AAK1: variants seen among roughly 807,000 people sequenced by gnomAD.
AAK1 encodes the protein AP2-associated protein kinase 1.
Under a neutral mutation model 116.0 loss-of-function variants are expected in AAK1, and 37 were observed. The observed-to-expected ratio is 0.32, with a 90% CI of 0.25 to 0.42. The LOEUF (loss-of-function observed/expected upper bound fraction) is 0.42. Ranked by LOEUF, AAK1 falls within the 10% of genes least tolerant of loss-of-function variation. The pLI is 1.00. For missense variants in AAK1, 919 were observed against 1,170.6 expected (o/e 0.79, Z 3.14); for synonymous variants, 458 against 439.9 (o/e 1.04, Z -0.51).
intron 2 of AAK1, among the ~76,000 whole-genome samples, chr2:69,625,481 A>G (rs1674854695): frequency 6.6e-6 from 1 of 152,240 alleles, no homozygotes; most frequent in Non-Finnish European, 1.5e-5. Flanking sequence ...ATATATAAAA[A>G]TTAACGAACC....
At chr2:69,512,350 A>G (rs1279411869) in intron 13 of AAK1, among the ~76,000 whole-genome samples, 2 of 152,186 alleles carry the variant, frequency 1.3e-5, no homozygotes, top group Non-Finnish European at 2.9e-5. Flanking sequence ...TTTCAAGTGT[A>G]TAGTTTTTCC....
rs114352621 is a variant in AAK1, at chr2:69,524,366, C to T, written c.1055+667G>A. Among the ~76,000 whole-genome samples, 695 of 152,280 alleles carry T rather than the reference C, an allele frequency of 4.6e-3. 3 individuals carry two copies. Among genetic ancestry groups the T allele is most frequent in the African/African-American group, 0.014 (577 of 41,542 alleles). On this transcript the variant is annotated intron_variant, in intron 10 of 21. Transcript: ENST00000409085. ...AGTTGGTACCACAGGCACGTGCTAC[C>T]ATGCCTGCCTAATGTTTAGGATACT...
chr2:69,550,774 C>T (rs112870534), intron 3 of AAK1, among the ~76,000 whole-genome samples: 293 of 152,186 alleles, frequency 1.9e-3, no homozygotes, highest in African/African-American at 6.3e-3. Flanking sequence ...CACAATCACG[C>T]CCGGCTAATT....
Position 69,476,988 on chromosome 2 carries a change from C to A in AAK1, c.2683G>T (p.Ala895Ser). 1.2e-6 allele frequency: 2 copies of A among 1,602,312 alleles called. No homozygotes were observed. The highest frequency in any genetic ancestry group is 1.1e-5 in the South Asian group (1 of 89,808). Residue 895 changes from alanine to serine, a missense_variant and splice_region_variant, in exon 21 of 22, where the codon GCA (alanine) becomes TCA (serine). Physicochemically the swap from Ala to Ser is moderately conservative, Grantham distance 99. Around this residue, in one of 4 missense-constraint regions of AAK1, gnomAD observed 263 missense variants for 285.5 expected, o/e 0.92. Transcript: ENST00000409085. ...CCTGAGATGAGATTACTATCTTCTG[C>A]AGCTTAATACAGAATGCAAGTACAC... ...TAISAPVHKAAEDSNLISGFD... is the reference protein window; with the variant it reads ...TAISAPVHKASEDSNLISGFD...
At chr2:69,617,869 C>A (rs1242394932) in intron 2 of AAK1, among the ~76,000 whole-genome samples, 1 of 152,166 alleles carries the variant, frequency 6.6e-6, no homozygotes, top group South Asian at 2.1e-4. Flanking sequence ...AAGGAATAAA[C>A]CATTTCCAAC....
chr2:69,616,869 G>A (rs747195199), intron 2 of AAK1, among the ~76,000 whole-genome samples: 48 of 152,082 alleles, frequency 3.2e-4, no homozygotes, highest in Non-Finnish European at 4.0e-4. Flanking sequence ...ACCTATCTGT[G>A]AACTTCTAGC....
chr2:69,468,462 A>G lies in AAK1; in HGVS notation c.*7407T>C, dbSNP rs533886475. On this transcript the variant is annotated 3_prime_UTR_variant, in exon 22 of 22. Coordinates refer to ENST00000409085, the MANE Select transcript of AAK1 (RefSeq NM_014911.5). ...CAAAGTTTTCAGTTGCCAAAACAAA[A>G]GCACAATTTCTCATCTTCCAAAACT... 1 of 985,458 alleles carries G rather than the reference A, an allele frequency of 1.0e-6. No individual in the cohort carries two copies. The highest frequency in any genetic ancestry group is 1.2e-6 in the Non-Finnish European group (1 of 829,928). The allele number at this position is 985,458 out of a possible 1,614,324, so 61.0% of individuals were successfully genotyped here.
At chr2:69,507,124 C>G (rs1676216656) in intron 15 of AAK1, among the ~76,000 whole-genome samples, 1 of 152,148 alleles carries the variant, frequency 6.6e-6, no homozygotes, top group African/African-American at 2.4e-5. Context: ...ATGCCTGATG[C>G]TGTTATCCTG....
Position 69,609,919 on chromosome 2 carries a change from G to A in AAK1, c.163+32959C>T, listed in dbSNP as rs182812799. The stretch of plus-strand genomic sequence containing the variant: ...CAAAAAATTAGCCGAGCATGGTGGC[G>A]GGCACCTGTAGTCCCAGCTACTCGG... On this transcript the variant is annotated intron_variant, in intron 2 of 21. Coordinates refer to ENST00000409085, the MANE Select transcript of AAK1 (RefSeq NM_014911.5). 8.8e-4 allele frequency among the ~76,000 whole-genome samples: 133 copies of A among 151,490 alleles called. No homozygotes were observed. In the East Asian group the frequency reaches 0.021, roughly 24 times the overall value.
intron 20 of AAK1, 72 bp downstream of exon 20, chr2:69,478,879 A>T: frequency 7.7e-7 from 1 of 1,292,266 alleles, no homozygotes; most frequent in South Asian, 1.2e-5. Context: ...TTGATAAGAA[A>T]AACTTTCAAA....
Position 69,524,945 on chromosome 2 carries a change from G to T in AAK1, c.1055+88C>A. 5 of 1,282,384 alleles carry T rather than the reference G, an allele frequency of 3.9e-6. No individual in the cohort carries two copies. In the East Asian group the frequency reaches 6.9e-5, roughly 18 times the overall value. 79.4% of individuals were successfully genotyped at this position (1,282,384 alleles called of 1,614,324 possible). On this transcript the variant is annotated intron_variant, in intron 10 of 21. Coordinates refer to ENST00000409085, the MANE Select transcript of AAK1 (RefSeq NM_014911.5). The stretch of plus-strand genomic sequence containing the variant: ...ATCTGTGCAGCCCCTGGTCATGACA[G>T]CATACATAAGAATCAAGAAACACAG...
intron 2 of AAK1, among the ~76,000 whole-genome samples, chr2:69,612,209 GA>G (rs373371777): frequency 1.1e-4 from 16 of 151,890 alleles, no homozygotes; most frequent in Admixed American, 2.0e-4. Flanking sequence ...CTGTTAGAGA[GA>G]AAAAAAATAA....
chr2:69,625,441 T>C (rs1471003275), intron 2 of AAK1, among the ~76,000 whole-genome samples: 1 of 152,186 alleles, frequency 6.6e-6, no homozygotes, highest in Non-Finnish European at 1.5e-5. Context: ...AACAGATCTA[T>C]AACAAAACAG....
chr2:69,563,932 G>A (rs1347229406), intron 2 of AAK1, among the ~76,000 whole-genome samples: 8 of 152,120 alleles, frequency 5.3e-5, no homozygotes, highest in African/African-American at 9.7e-5. Context: ...GGTGGCTCAC[G>A]CCTGTAATCC....
At chr2:69,478,758 G>A (rs562179729) in intron 20 of AAK1, 193 bp downstream of exon 20, 104 of 498,746 alleles carry the variant, frequency 2.1e-4, no homozygotes, top group East Asian at 1.7e-3. Flanking sequence ...CTGGCCGGTC[G>A]TCTAAGTCTT....
intron 2 of AAK1, among the ~76,000 whole-genome samples, chr2:69,636,198 T>C (rs10172727): frequency 1.3e-5 from 2 of 150,396 alleles, no homozygotes; most frequent in African/African-American, 5.0e-5. Context: ...AAAAGATTTC[T>C]ACTAAAAAAA....
At chr2:69,522,476 G>A (rs1264320777) in intron 10 of AAK1, among the ~76,000 whole-genome samples, 2 of 152,052 alleles carry the variant, frequency 1.3e-5, no homozygotes, top group African/African-American at 4.8e-5. Flanking sequence ...AAGAAAAATG[G>A]GACACGTGCT....
chr2:69,607,097 G>C (rs115943056), intron 2 of AAK1, among the ~76,000 whole-genome samples: 13 of 151,246 alleles, frequency 8.6e-5, no homozygotes, highest in African/African-American at 3.2e-4. Context: ...AAACGCTGTG[G>C]AGAAAAATAA....
chr2:69,599,404 C>A (rs1456016393), intron 2 of AAK1, among the ~76,000 whole-genome samples: 1 of 142,928 alleles, frequency 7.0e-6, no homozygotes, highest in Non-Finnish European at 1.5e-5. Flanking sequence ...AAAAACTTCA[C>A]TGAAATTATA....
Sources: allele counts gnomAD v4.1 joint callset (sites outside exome capture counted in the v4.1 genomes callset), GRCh38; gene constraint gnomAD v4.1.1; regional missense constraint gnomAD v4.1.1; transcripts MANE v1.5; gene names NCBI Gene and HGNC (gene_info 2026-07-23, HGNC 2026-07-21).